The following MITF variants were observed in gnomAD, a reference collection of about 807,000 sequenced individuals.
The protein encoded by MITF is microphthalmia-associated transcription factor.
Under a neutral mutation model 60.5 loss-of-function variants are expected in MITF, and 17 were observed. The ratio of observed to expected loss-of-function variants is 0.28; its 90% CI spans 0.19 to 0.42. The LOEUF is 0.42. Among genes scored for constraint, MITF ranks in the 10% least tolerant of loss-of-function variants. The probability of loss-of-function intolerance (pLI) is 1.00; values close to 1 mark genes in which losing one functional copy is unlikely to be tolerated. For missense variants in MITF, 622 were observed against 683.5 expected (o/e 0.91, Z 1.00); for synonymous variants, 260 against 248.5 (o/e 1.05, Z -0.43).
At chr3:69,845,442 C>CTTTTTTTTTTTTTTTTTCT (rs751773040) in intron 1 of MITF, among the ~76,000 whole-genome samples, 1 of 136,810 alleles carries the variant, frequency 7.3e-6, no homozygotes, top group Non-Finnish European at 1.5e-5. Context: ...TTTTTTCTTT[C>CTTTTTTTTTTTTTTTTTCT]TTTTTTTTTT....
chr3:69,774,108 T>C (rs1308917131), intron 1 of MITF, among the ~76,000 whole-genome samples: 3 of 152,190 alleles, frequency 2.0e-5, no homozygotes, highest in African/African-American at 7.2e-5. Flanking sequence ...CAGACTAATA[T>C]TCAGGTATGT....
chr3:69,765,914 A>G (rs62250969), intron 1 of MITF, among the ~76,000 whole-genome samples: 1,610 of 152,334 alleles, frequency 0.011, 21 homozygotes, highest in Non-Finnish European at 0.012. Context: ...AAATATTTCA[A>G]ATGTCATTGT....
chr3:69,797,497 A>G (rs1352218273), intron 1 of MITF, among the ~76,000 whole-genome samples: 3 of 152,178 alleles, frequency 2.0e-5, no homozygotes, highest in Non-Finnish European at 4.4e-5. Context: ...AATAAATAAT[A>G]CAATATTATT....
Position 69,769,027 on chromosome 3 carries a change from G to T in MITF, c.104+29326G>T, listed in dbSNP as rs571506958. On this transcript the variant is annotated intron_variant, in intron 1 of 9. Coordinates refer to ENST00000352241, the MANE Select transcript of MITF (RefSeq NM_001354604.2). ...GTTTGAATCTCAGCTGCACTGATTG[G>T]TGGCTGTGTGAGTTTGGGCAAATCA... Among the ~76,000 whole-genome samples the T allele has an allele frequency of 3.2e-4, 49 of 152,276 alleles. 1 individual carries two copies. The South Asian group carries it at 9.5e-3, about 30-fold the overall frequency.
rs73111945 is a variant in MITF, at chr3:69,743,526, T to C, written c.104+3825T>C. Among the ~76,000 whole-genome samples the C allele has an allele frequency of 3.2e-3, 488 of 152,356 alleles. 2 individuals are homozygous for C. The highest frequency in any genetic ancestry group is 4.8e-3 in the Non-Finnish European group (326 of 68,032). The stretch of plus-strand genomic sequence containing the variant: ...TTTCTAACCCAGACATCCTTGCCTT[T>C]AGGAATCTGAAGTTGCTGGATTTAG... On this transcript the variant is annotated intron_variant, in intron 1 of 9. Transcript: ENST00000352241.
chr3:69,866,297 G>A (rs1198670014), intron 1 of MITF: 4 of 1,613,602 alleles, frequency 2.5e-6, no homozygotes, highest in Middle Eastern at 1.6e-4. Flanking sequence ...AAAGATGGAG[G>A]CGCTTAGAGT....
chr3:69,777,426 C>T (rs974492031), intron 1 of MITF, among the ~76,000 whole-genome samples: 1 of 152,132 alleles, frequency 6.6e-6, no homozygotes, highest in Non-Finnish European at 1.5e-5. Flanking sequence ...TGCAATATAT[C>T]TTTAAGTTCA....
At chr3:69,863,386 A>T (rs2064052249) in intron 1 of MITF, among the ~76,000 whole-genome samples, 1 of 152,216 alleles carries the variant, frequency 6.6e-6, no homozygotes, top group South Asian at 2.1e-4. Context: ...CTGTACTGTA[A>T]GGTAGATCTT....
At chr3:69,896,197 A>G (rs2064872976) in intron 2 of MITF, among the ~76,000 whole-genome samples, 1 of 152,166 alleles carries the variant, frequency 6.6e-6, no homozygotes, top group African/African-American at 2.4e-5. Context: ...CATTTCCCAC[A>G]GCATATTAAT....
At chr3:69,929,574 G>A (rs2065670594) in intron 2 of MITF, among the ~76,000 whole-genome samples, 1 of 152,100 alleles carries the variant, frequency 6.6e-6, no homozygotes, top group Non-Finnish European at 1.5e-5. Context: ...GGGACTTCTA[G>A]GCCATTGCAA....
chr3:69,790,279 G>A (rs990454866), intron 1 of MITF, among the ~76,000 whole-genome samples: 3 of 152,150 alleles, frequency 2.0e-5, no homozygotes, highest in African/African-American at 7.2e-5. Flanking sequence ...ATGTAGAGGA[G>A]TCAAACTCAT....
At chr3:69,800,782 A>C (rs2106949889) in intron 1 of MITF, among the ~76,000 whole-genome samples, 1 of 152,234 alleles carries the variant, frequency 6.6e-6, no homozygotes, top group Non-Finnish European at 1.5e-5. Context: ...TATTAGCTCT[A>C]AATTTTGAAT....
intron 2 of MITF, among the ~76,000 whole-genome samples, chr3:69,902,956 A>G (rs942305273): frequency 5.3e-5 from 8 of 152,172 alleles, no homozygotes; most frequent in African/African-American, 1.9e-4. Context: ...CAGTAATTAG[A>G]AGAATGCAAT....
chr3:69,846,123 T>G (rs2063727634), intron 1 of MITF, among the ~76,000 whole-genome samples: 2 of 134,752 alleles, frequency 1.5e-5, no homozygotes, highest in African/African-American at 2.9e-5. Flanking sequence ...TGTTAGACCT[T>G]GCTGCCTAGG....
At chr3:69,751,744 G>T (rs1396727428) in intron 1 of MITF, among the ~76,000 whole-genome samples, 1 of 151,924 alleles carries the variant, frequency 6.6e-6, no homozygotes, top group Non-Finnish European at 1.5e-5. Flanking sequence ...TTATTCTTGT[G>T]GCCTCTGTTT....
rs1479997631 is a variant in MITF at position 69,937,753 on chromosome 3, TGAAG to T, written c.355-64_355-61del. The T allele has an allele frequency of 8.9e-6, 12 of 1,348,014 alleles. No individual in the cohort carries two copies. In the African/African-American group the frequency reaches 1.6e-4, roughly 18 times the overall value. The allele number at this position is 1,348,014 out of a possible 1,614,324, so 83.5% of individuals were successfully genotyped here. ...GCCTGGTCAGTTTCATGTTTGTGCC[TGAAG>T]GAAGAGCCGTCTGAAACTCACAAAT... On this transcript the variant is annotated intron_variant, in intron 2 of 9. Transcript: ENST00000352241.
chr3:69,828,296 G>T (rs1404630718), intron 1 of MITF, among the ~76,000 whole-genome samples: 1 of 152,292 alleles, frequency 6.6e-6, no homozygotes, highest in Admixed American at 6.5e-5. Context: ...AAGAAGATTA[G>T]TGAGCATCCT....
intron 1 of MITF, among the ~76,000 whole-genome samples, chr3:69,809,508 C>T (rs533432249): frequency 2.0e-5 from 3 of 152,128 alleles, no homozygotes; most frequent in Admixed American, 1.3e-4. Flanking sequence ...TGGTAGATCA[C>T]ATAATTCTTT....
chr3:69,801,682 CTG>C (rs1219313482), intron 1 of MITF, among the ~76,000 whole-genome samples: 1 of 152,136 alleles, frequency 6.6e-6, no homozygotes, highest in African/African-American at 2.4e-5. Flanking sequence ...GCATACCAAA[CTG>C]TGATTATTCT....
Sources: allele counts gnomAD v4.1 joint callset (sites outside exome capture counted in the v4.1 genomes callset), GRCh38; gene constraint gnomAD v4.1.1; transcripts MANE v1.5; gene names NCBI Gene and HGNC (gene_info 2026-07-23, HGNC 2026-07-21).